RECK: variants seen among roughly 807,000 people sequenced by gnomAD.
RECK encodes reversion-inducing cysteine-rich protein with Kazal motifs.
A neutral mutation model predicts 115.1 loss-of-function variants in RECK; 69 were observed. That is an observed-to-expected ratio of 0.60 (90% CI 0.49 to 0.73). The LOEUF (loss-of-function observed/expected upper bound fraction) is 0.73. Ranked by LOEUF, RECK falls within the 30% of genes least tolerant of loss-of-function variation. The probability of loss-of-function intolerance (pLI) is 0.00; values close to 1 mark genes in which losing one functional copy is unlikely to be tolerated. For synonymous variants in RECK, 414 were observed against 419.7 expected, an observed-to-expected ratio of 0.99 and a Z score of 0.17; for missense variants, 1,047 against 1,203.7, an observed-to-expected ratio of 0.87 and a Z score of 1.93.
chr9:36,083,334 A>G (rs564091251), intron 7 of RECK, 31 bp from the exon 8 acceptor site: 2 of 1,603,974 alleles, frequency 1.2e-6, no homozygotes, highest in South Asian at 2.2e-5. Flanking sequence ...AGCTGTTTCC[A>G]TGTCAGTGCC....
chr9:36,117,955 G>A (rs1244447481), intron 17 of RECK, among the ~76,000 whole-genome samples: 1 of 152,164 alleles, frequency 6.6e-6, no homozygotes, highest in African/African-American at 2.4e-5. Context: ...ACTCCAGCCT[G>A]GGTGACAGAG....
chr9:36,106,025 A>G (rs1199264330), intron 13 of RECK, among the ~76,000 whole-genome samples: 1 of 151,950 alleles, frequency 6.6e-6, no homozygotes, highest in Non-Finnish European at 1.5e-5. Flanking sequence ...CATCCTGGCT[A>G]ACATGGTGAA....
At chr9:36,048,382 C>T (rs1484798160) in intron 1 of RECK, among the ~76,000 whole-genome samples, 20 of 151,886 alleles carry the variant, frequency 1.3e-4, no homozygotes, top group African/African-American at 4.4e-4. Context: ...GCTTGGCAAC[C>T]TTTTTCCTTT....
chr9:36,120,673 C>T lies in RECK; in HGVS notation c.2475C>T (p.Cys825=). 6.2e-7 allele frequency: 1 copy of T among 1,612,452 alleles called. No homozygotes were observed. The highest frequency in any genetic ancestry group is 2.2e-5 in the East Asian group (1 of 44,866). The change falls in exon 19 of 21, where the codon TGC becomes TGT. Residue 825 remains cysteine (C), a synonymous_variant. Coordinates refer to ENST00000377966, the MANE Select transcript of RECK (RefSeq NM_021111.3). ...CKPIIPPGAC[C]PLCAGMLRVL... is the part of the protein sequence containing the mutation. ...GTTTCTGTTATACAGGTGCTTGTTG[C>T]CCATTATGTGCTGGGATGTTAAGAG...
chr9:36,068,790 C>G lies in RECK; in HGVS notation c.405+3166C>G, dbSNP rs78573185. ...GGGTGACCAGGAAATATGCTCATCT[C>G]CCTTTCCAGGGGGATCTGCAAGGAA... On this transcript the variant is annotated intron_variant, in intron 6 of 20. Coordinates refer to ENST00000377966, the MANE Select transcript of RECK (RefSeq NM_021111.3). Among the ~76,000 whole-genome samples the G allele has an allele frequency of 4.3e-3, 657 of 152,322 alleles. 1 individual carries two copies. The highest frequency in any genetic ancestry group is 7.6e-3 in the Non-Finnish European group (516 of 68,032).
chr9:36,104,315 T>TGC (rs1564130856), intron 12 of RECK, among the ~76,000 whole-genome samples: 9 of 67,022 alleles, frequency 1.3e-4, no homozygotes, highest in Non-Finnish European at 2.1e-4. Context: ...TATATATATA[T>TGC]ATATATATAT....
intron 10 of RECK, among the ~76,000 whole-genome samples, chr9:36,099,685 A>G (rs1182597786): frequency 6.9e-6 from 1 of 144,556 alleles, no homozygotes; most frequent in East Asian, 1.9e-4. Flanking sequence ...AAATCTTGCT[A>G]TGTTGCCCAG....
At chr9:36,098,354 T>A (rs538284666) in intron 10 of RECK, among the ~76,000 whole-genome samples, 2 of 152,342 alleles carry the variant, frequency 1.3e-5, no homozygotes, top group East Asian at 3.9e-4. Context: ...ATTTAAAAAA[T>A]TTAAAAGAAA....
intron 2 of RECK, 22 bp from the exon 3 acceptor site, chr9:36,058,804 AC>A (rs1285833920): frequency 1.1e-5 from 16 of 1,503,334 alleles, no homozygotes; most frequent in Admixed American, 1.8e-5. Flanking sequence ...TGCCACAAAA[AC>A]TTTTTTTTTT....
In RECK at chr9:36,122,975, C is replaced by G; in HGVS notation, c.2846C>G (p.Pro949Arg). 1.9e-6 allele frequency: 3 copies of G among 1,614,172 alleles called. No homozygotes were observed. The highest frequency in any genetic ancestry group is 2.5e-6 in the Non-Finnish European group (3 of 1,180,040). ...SVPSAGVRAR[P>R]SCHSLLLPLS... ...CCATCGGCCGGTGTCAGGGCCAGGC[C>G]TTCTTGCCACTCCCTCCTCCTTCCC... Residue 949 changes from proline (P) to arginine (R), a missense_variant, in exon 21 of 21, where the codon CCT becomes CGT. Transcript: ENST00000377966.
intron 14 of RECK, among the ~76,000 whole-genome samples, chr9:36,108,736 G>T (rs933511037): frequency 6.6e-5 from 10 of 151,850 alleles, no homozygotes; most frequent in Admixed American, 5.9e-4. Flanking sequence ...TAGGAGTTTG[G>T]AAAAAAAGTA....
At chr9:36,114,669 A>G (rs988570564) in intron 16 of RECK, among the ~76,000 whole-genome samples, 8 of 152,150 alleles carry the variant, frequency 5.3e-5, no homozygotes, top group Non-Finnish European at 1.0e-4. Context: ...CCTGGGCAAC[A>G]TGGTGAAACC....
At chr9:36,046,198 G>A (rs1821067003) in intron 1 of RECK, among the ~76,000 whole-genome samples, 1 of 152,128 alleles carries the variant, frequency 6.6e-6, no homozygotes, top group South Asian at 2.1e-4. Context: ...CCCAGAATAT[G>A]TCTAGAATTC....
chr9:36,076,346 C>T (rs1025159897), intron 6 of RECK, among the ~76,000 whole-genome samples: 5 of 152,292 alleles, frequency 3.3e-5, no homozygotes, highest in Admixed American at 6.5e-5. Context: ...GCAGAGCGAA[C>T]TTCTGGGCTA....
intron 1 of RECK, among the ~76,000 whole-genome samples, chr9:36,038,205 C>T (rs1820745292): frequency 6.6e-6 from 1 of 151,758 alleles, no homozygotes. Flanking sequence ...TCCAGCTACC[C>T]GCGAGGCTGA....
At chr9:36,115,039 G>A (rs1564136849) in intron 16 of RECK, among the ~76,000 whole-genome samples, 1 of 152,092 alleles carries the variant, frequency 6.6e-6, no homozygotes, top group Non-Finnish European at 1.5e-5. Flanking sequence ...TTGTGGCCGG[G>A]CACGGTGGCT....
intron 7 of RECK, 42 bp downstream of exon 7, chr9:36,080,680 A>T: frequency 6.4e-7 from 1 of 1,574,336 alleles, no homozygotes; most frequent in Non-Finnish European, 8.7e-7. Flanking sequence ...GTCCAAAGAT[A>T]TAATTAGCCA....
chr9:36,044,224 T>A (rs1006235388), intron 1 of RECK, among the ~76,000 whole-genome samples: 2 of 152,044 alleles, frequency 1.3e-5, no homozygotes, highest in African/African-American at 4.8e-5. Context: ...TATTTTATTT[T>A]TTTTTTTTGC....
intron 6 of RECK, among the ~76,000 whole-genome samples, chr9:36,079,060 T>A (rs1388319088): frequency 1.3e-5 from 2 of 152,028 alleles, no homozygotes; most frequent in African/African-American, 4.8e-5. Context: ...CACGCCCGGC[T>A]AATTTTGTAT....
Sources: allele counts gnomAD v4.1 joint callset (sites outside exome capture counted in the v4.1 genomes callset), GRCh38; gene constraint gnomAD v4.1.1; transcripts MANE v1.5; gene names NCBI Gene and HGNC (gene_info 2026-07-23, HGNC 2026-07-21).